The following MAPKAP1 variants were observed in gnomAD, a reference collection of about 807,000 sequenced individuals.
MAPKAP1 encodes MAPK associated protein 1.
A neutral mutation model predicts 65.7 loss-of-function variants in MAPKAP1; 20 were observed. That is an observed-to-expected ratio of 0.30 (90% confidence interval 0.21 to 0.44). The LOEUF (loss-of-function observed/expected upper bound fraction) is 0.44. MAPKAP1 is among the 20% of genes least tolerant of loss of function. The pLI, the probability that MAPKAP1 is intolerant of heterozygous loss-of-function variation, is 1.00. For synonymous variants in MAPKAP1, 222 were observed against 244.3 expected, an observed-to-expected ratio of 0.91 and a Z score of 0.85; for missense variants, 423 against 648.0, an observed-to-expected ratio of 0.65 and a Z score of 3.77.
intron 4 of MAPKAP1, among the ~76,000 whole-genome samples, chr9:125,653,447 T>G (rs2131742506): frequency 6.6e-6 from 1 of 152,300 alleles, no homozygotes; most frequent in Middle Eastern, 3.4e-3. Flanking sequence ...ACCCTGTTCT[T>G]TAAGATTCAT....
intron 7 of MAPKAP1, among the ~76,000 whole-genome samples, chr9:125,512,511 C>A (rs188527966): frequency 6.6e-6 from 1 of 152,118 alleles, no homozygotes; most frequent in Non-Finnish European, 1.5e-5. Context: ...CCTGGGGACT[C>A]GTAAACTTGT....
intron 6 of MAPKAP1, among the ~76,000 whole-genome samples, chr9:125,553,368 C>A (rs550630367): frequency 3.3e-5 from 5 of 151,962 alleles, no homozygotes; most frequent in South Asian, 4.2e-4. Context: ...ATGGCGAAAA[C>A]CCATCTCTAC....
At chr9:125,492,190 G>A (rs953386438) in intron 8 of MAPKAP1, among the ~76,000 whole-genome samples, 2 of 152,162 alleles carry the variant, frequency 1.3e-5, no homozygotes. Context: ...GAGACCTGGC[G>A]ACAGGGCAAT....
intron 1 of MAPKAP1, among the ~76,000 whole-genome samples, chr9:125,674,189 T>C (rs1834578532): frequency 6.6e-6 from 1 of 151,788 alleles, no homozygotes; most frequent in South Asian, 2.1e-4. Flanking sequence ...ATTTATAAAA[T>C]GGAAGCTTCA....
At position 125,467,110 on chromosome 9, in the gene MAPKAP1, G is replaced by T. The variant is rs117953326; in HGVS notation, c.1345+862C>A. ...TACTGAATCACAATCTACTAGGGTG[G>T]GCCCTCGGTAACTGCATTTAACAGG... is the stretch of plus-strand genomic sequence containing the variant. On this transcript the variant is annotated intron_variant, in intron 10 of 11. Transcript: ENST00000265960. 7.6e-3 allele frequency among the ~76,000 whole-genome samples: 1,162 copies of T among 152,194 alleles called. 6 individuals carry two copies. Among genetic ancestry groups the T allele is most frequent in the Non-Finnish European group, 0.01 (684 of 68,014 alleles).
intron 1 of MAPKAP1, among the ~76,000 whole-genome samples, chr9:125,702,050 C>T (rs1188432649): frequency 6.6e-6 from 1 of 152,116 alleles, no homozygotes; most frequent in African/African-American, 2.4e-5. Flanking sequence ...TACACTCAGC[C>T]CACAAATATG....
At chr9:125,594,416 T>G (rs1302607603) in intron 4 of MAPKAP1, among the ~76,000 whole-genome samples, 8 of 152,218 alleles carry the variant, frequency 5.3e-5, no homozygotes, top group Non-Finnish European at 5.9e-5. Flanking sequence ...GTCGGAATCC[T>G]GGCTTTACCA....
chr9:125,631,121 C>T (rs1314242615), intron 4 of MAPKAP1, among the ~76,000 whole-genome samples: 1 of 151,590 alleles, frequency 6.6e-6, no homozygotes, highest in East Asian at 1.9e-4. Context: ...AGCCTGATAC[C>T]TCCCCGTGTC....
chr9:125,615,926 AAAAG>A (rs1832734246), intron 4 of MAPKAP1, among the ~76,000 whole-genome samples: 1 of 151,812 alleles, frequency 6.6e-6, no homozygotes, highest in African/African-American at 2.4e-5. Context: ...AAAAAAAAAA[AAAAG>A]AAAAGAAAAG....
At chr9:125,508,883 T>A (rs759373342) in intron 7 of MAPKAP1, among the ~76,000 whole-genome samples, 4 of 152,124 alleles carry the variant, frequency 2.6e-5, no homozygotes, top group Non-Finnish European at 4.4e-5. Context: ...CTAGGTCTAA[T>A]ACGGGGACTG....
chr9:125,474,899 G>T (rs10819050), intron 9 of MAPKAP1, among the ~76,000 whole-genome samples: 74,246 of 151,964 alleles, frequency 0.49, 19,023 homozygotes, highest in African/African-American at 0.65. Flanking sequence ...TCAGGTTACC[G>T]AGAGCCTATG....
At chr9:125,625,135 C>CAG (rs1478598683) in intron 4 of MAPKAP1, among the ~76,000 whole-genome samples, 2 of 96,434 alleles carry the variant, frequency 2.1e-5, no homozygotes, top group Non-Finnish European at 4.2e-5. Context: ...CTAGGAAAAC[C>CAG]AGAGACCTTT....
chr9:125,569,272 T>C (rs756901951), intron 5 of MAPKAP1, among the ~76,000 whole-genome samples: 37 of 152,210 alleles, frequency 2.4e-4, no homozygotes, highest in Non-Finnish European at 2.1e-4. Flanking sequence ...TATTAAATAG[T>C]TAAAAGCCTT....
chr9:125,441,436 C>T (rs754447067), intron 11 of MAPKAP1, among the ~76,000 whole-genome samples: 19 of 152,228 alleles, frequency 1.2e-4, no homozygotes, highest in Admixed American at 2.0e-4. Flanking sequence ...TTCTGGAGGG[C>T]GGTCAGGAAG....
At chr9:125,548,104 G>A (rs997623552) in intron 6 of MAPKAP1, among the ~76,000 whole-genome samples, 1 of 152,094 alleles carries the variant, frequency 6.6e-6, no homozygotes, top group African/African-American at 2.4e-5. Flanking sequence ...TCCTAAAATA[G>A]GTACAATTAT....
At chr9:125,587,507 A>C (rs1276634435) in intron 4 of MAPKAP1, among the ~76,000 whole-genome samples, 1 of 152,190 alleles carries the variant, frequency 6.6e-6, no homozygotes, top group Admixed American at 6.5e-5. Context: ...CAGATGTTGC[A>C]ATGAGCCAAC....
At chr9:125,521,914 A>C in intron 7 of MAPKAP1, 1 of 712,062 alleles carries the variant, frequency 1.4e-6, no homozygotes, top group Non-Finnish European at 2.4e-6. Context: ...GTTATGATAT[A>C]TTGGAATCTG....
intron 4 of MAPKAP1, among the ~76,000 whole-genome samples, chr9:125,614,845 CATTTCCTTTGAT>C (rs1211257404): frequency 6.6e-6 from 1 of 152,116 alleles, no homozygotes; most frequent in Non-Finnish European, 1.5e-5. Flanking sequence ...ATATTGGAAA[CATTTCCTTTGAT>C]ATCAGAAGCA....
At chr9:125,617,607 G>A (rs754600289) in intron 4 of MAPKAP1, among the ~76,000 whole-genome samples, 4 of 152,152 alleles carry the variant, frequency 2.6e-5, no homozygotes, top group Non-Finnish European at 5.9e-5. Flanking sequence ...AAACTGCAGA[G>A]TACCCATACA....
Sources: gnomAD v4.1 joint callset for allele counts (sites outside exome capture counted in the v4.1 genomes callset) on GRCh38, gnomAD v4.1.1 for gene constraint, MANE v1.5 for transcripts, NCBI Gene and HGNC (gene_info 2026-07-23, HGNC 2026-07-21) for gene names.